Variants in RPP40 observed in about 807,000 individuals in gnomAD.
RPP40 encodes the protein ribonuclease P protein subunit p40.
In RPP40, 30 loss-of-function variants were observed where a neutral mutation model predicts 42.5. That is an observed-to-expected ratio of 0.71 (90% confidence interval 0.53 to 0.96). The LOEUF is 0.96. Among genes scored for constraint, RPP40 ranks in the 40% least tolerant of loss-of-function variants. The pLI, the probability that RPP40 is intolerant of heterozygous loss-of-function variation, is 0.00. For missense variants in RPP40, 426 were observed against 433.5 expected, an observed-to-expected ratio of 0.98 and a Z score of 0.15; for synonymous variants, 173 against 164.0, an observed-to-expected ratio of 1.05 and a Z score of -0.42.
chr6:5,002,106 T>A lies in RPP40; in HGVS notation c.263A>T (p.Lys88Met). 1 of 1,611,186 alleles carries A rather than the reference T, an allele frequency of 6.2e-7. No individual in the cohort carries two copies. Among genetic ancestry groups the A allele is most frequent in the Non-Finnish European group, 8.5e-7 (1 of 1,178,860 alleles). The part of the protein sequence containing the change: ...ITPEFISTFI[K>M]KGSCYALTYN... ...CCATTTCAGGTTTTTCTTACCTTTC[T>A]TTATAAAGGTACTGATGAATTCAGG... The change falls in exon 2 of 8, where the codon AAG (lysine) becomes ATG (methionine). Residue 88 changes from lysine to methionine, a missense_variant. By Grantham distance (95) the Lys-to-Met change is moderately conservative. Coordinates refer to ENST00000380051, the MANE Select transcript of RPP40 (RefSeq NM_006638.4).
chr6:5,003,911 T>G lies in RPP40; in HGVS notation c.92A>C (p.His31Pro). The G allele has an allele frequency of 6.2e-7, 1 of 1,613,784 alleles. No individual in the cohort carries two copies. Reference sequence around the variant, plus strand: ...GTTATAGTAGTGCGTCTGCACAAGATGCCGGTGGCGCGACTTGTGGTTGCC... The same window carrying G: ...GTTATAGTAGTGCGTCTGCACAAGAGGCCGGTGGCGCGACTTGTGGTTGCC... ...NFGNHKSRHR[H>P]LVQTHYYNYR... Residue 31 changes from histidine (H) to proline (P), a missense_variant, in exon 1 of 8, where the codon CAT (histidine) becomes CCT (proline). Transcript: ENST00000380051.
chr6:4,999,361 C>T (rs548975425), intron 4 of RPP40, among the ~76,000 whole-genome samples: 10 of 130,352 alleles, frequency 7.7e-5, no homozygotes, highest in Admixed American at 1.9e-4. Flanking sequence ...TGCAGTGGTG[C>T]GATCTTGGCT....
chr6:5,003,807 A>G, intron 1 of RPP40, 73 bp downstream of exon 1: 6 of 1,507,650 alleles, frequency 4.0e-6, no homozygotes, highest in Middle Eastern at 1.8e-4. Flanking sequence ...CGCGAAGCCT[A>G]GCACTCTCCC....
downstream of RPP40, among the ~76,000 whole-genome samples, chr6:4,989,787 G>A (rs574585157): frequency 6.6e-6 from 1 of 152,262 alleles, no homozygotes; most frequent in South Asian, 2.1e-4. Context: ...ACACTACTCT[G>A]TATCCTGCAA....
At chr6:4,992,614 CAG>C (rs921310211), downstream of RPP40, among the ~76,000 whole-genome samples, 2 of 152,058 alleles carry the variant, frequency 1.3e-5, no homozygotes, top group African/African-American at 4.8e-5. Context: ...TTCTTGTAGG[CAG>C]AATATAATTA....
chr6:4,991,972 ATTGAG>A (rs1308278447), downstream of RPP40, among the ~76,000 whole-genome samples: 2 of 152,126 alleles, frequency 1.3e-5, no homozygotes, highest in Non-Finnish European at 2.9e-5. Flanking sequence ...TTCCGCCATG[ATTGAG>A]TTTTCCTGAG....
At position 4,999,821 on chromosome 6, in the gene RPP40, T is replaced by A. The variant is rs781596695; in HGVS notation, c.421A>T (p.Ile141Phe). ...GHPSQFSGRK[I>F]MKFIVSIDLM... ...ACATGATACTTACTAAATTTCATAA[T>A]TTTTCTGCCAGAAAACTGAGATGGA... The change falls in exon 4 of 8, where the codon ATT becomes TTT. Residue 141 changes from isoleucine (I) to phenylalanine (F), a missense_variant. Ile to Phe is a conservative substitution (Grantham distance 21). Coordinates refer to ENST00000380051, the MANE Select transcript of RPP40 (RefSeq NM_006638.4). 1.9e-6 allele frequency: 3 copies of A among 1,588,680 alleles called. No individual in the cohort carries two copies. The highest frequency in any genetic ancestry group is 2.6e-6 in the Non-Finnish European group (3 of 1,157,602).
chr6:4,989,815 ATTTG>A, downstream of RPP40, among the ~76,000 whole-genome samples: 1 of 152,164 alleles, frequency 6.6e-6, no homozygotes, highest in Non-Finnish European at 1.5e-5. Context: ...AAACTCACTT[ATTTG>A]TTCTAGTAGC....
rs776785567 is a variant in RPP40 at position 4,998,784 on chromosome 6, C to A, written c.491G>T (p.Arg164Ile). 6 of 1,522,542 alleles carry A rather than the reference C, an allele frequency of 3.9e-6. No individual in the cohort carries two copies. The highest frequency in any genetic ancestry group is 5.4e-6 in the Non-Finnish European group (6 of 1,116,642). 94.3% of individuals were successfully genotyped at this position (1,522,542 alleles called of 1,614,324 possible). Residue 164 changes from arginine (R) to isoleucine (I), a missense_variant, in exon 5 of 8, where the codon AGA (arginine) becomes ATA (isoleucine). Coordinates refer to ENST00000380051, the MANE Select transcript of RPP40 (RefSeq NM_006638.4). ...CTTTTCTTTGAAAGACCAAGATATT[C>A]TTTCATACTTCTTAGAATCCAAGTT... ...SLNLDSKKYE[R>I]ISWSFKEKKP... is the part of the protein sequence containing the mutation.
At chr6:5,002,611 T>G (rs1289119867) in intron 1 of RPP40, among the ~76,000 whole-genome samples, 1 of 152,234 alleles carries the variant, frequency 6.6e-6, no homozygotes, top group Non-Finnish European at 1.5e-5. Flanking sequence ...ATCCCTTGAT[T>G]TGTTTACCCT....
chr6:5,001,060 T>C (rs1346255938), intron 2 of RPP40: 1 of 458,016 alleles, frequency 2.2e-6, no homozygotes, highest in Non-Finnish European at 4.4e-6. Context: ...TTTACTATCA[T>C]CAAGCAAAAA....
intron 1 of RPP40, 48 bp downstream of exon 1, chr6:5,003,832 A>T: frequency 6.3e-7 from 1 of 1,576,396 alleles, no homozygotes; most frequent in Non-Finnish European, 8.7e-7. Flanking sequence ...CCTCTCTCGC[A>T]CGCGGGGACT....
intron 7 of RPP40, among the ~76,000 whole-genome samples, 179 bp from the exon 8 acceptor site, chr6:4,995,455 A>G (rs1284016806): frequency 6.6e-6 from 1 of 152,248 alleles, no homozygotes; most frequent in Non-Finnish European, 1.5e-5. Flanking sequence ...TGTGAACTCC[A>G]TAAGGATTAA....
chr6:5,002,725 T>C (rs888578150), intron 1 of RPP40, among the ~76,000 whole-genome samples: 1 of 152,264 alleles, frequency 6.6e-6, no homozygotes, highest in African/African-American at 2.4e-5. Flanking sequence ...TGCTCCTGTA[T>C]GTTTTCATTT....
Position 4,994,827 on chromosome 6 carries a change from C to A in RPP40, c.*251G>T. 2.3e-6 allele frequency: 1 copy of A among 444,168 alleles called. No individual in the cohort carries two copies. The allele number at this position is 444,168 out of a possible 1,614,324, so 27.5% of individuals were successfully genotyped here. A position where few individuals can be genotyped will look rare whatever the true frequency, so the allele number is the denominator to read the frequency against. ...TCCCCGGTCCCTGGACATCCTGGCCCAGTGTACCACATAGTAACCCACAAC... is the reference window on the plus strand; with the variant it reads ...TCCCCGGTCCCTGGACATCCTGGCCAAGTGTACCACATAGTAACCCACAAC... On this transcript the variant is annotated 3_prime_UTR_variant, in exon 8 of 8. Coordinates refer to ENST00000380051, the MANE Select transcript of RPP40 (RefSeq NM_006638.4).
chr6:5,000,556 G>T lies in RPP40; in HGVS notation c.337+7C>A. The T allele has an allele frequency of 1.1e-5, 14 of 1,268,248 alleles. No homozygotes were observed. Among genetic ancestry groups the T allele is most frequent in the African/African-American group, 1.5e-5 (1 of 65,078 alleles). The allele number at this position is 1,268,248 out of a possible 1,614,324, so 78.6% of individuals were successfully genotyped here. A position where few individuals can be genotyped will look rare whatever the true frequency, so the allele number is the denominator to read the frequency against. ...AATTAAAGAAAGATGAAAAAATAAA[G>T]TGTTACCATTTGGTAGCAGGGCAAC... On this transcript the variant is annotated splice_region_variant and intron_variant, in intron 3 of 7. Coordinates refer to ENST00000380051, the MANE Select transcript of RPP40 (RefSeq NM_006638.4).
At chr6:5,003,732 G>T in intron 1 of RPP40, 148 bp downstream of exon 1, 1 of 1,021,874 alleles carries the variant, frequency 9.8e-7, no homozygotes, top group Non-Finnish European at 1.4e-6. Context: ...GCAGTTAAGA[G>T]ACTACAACTC....
chr6:5,002,188 T>C lies in RPP40; in HGVS notation c.181A>G (p.Met61Val). The change falls in exon 2 of 8, where the codon ATG becomes GTG. Residue 61 changes from methionine to valine, a missense_variant. Transcript: ENST00000380051. The part of the protein sequence containing the change: ...ILSEELKNLV[M>V]NTGPYYFVKN... Reference sequence around the variant, plus strand: ...ACAAAGTAATAGGGTCCAGTGTTCATGACCAGGTTTTTCAGTTCTTCCGAT... The same window carrying C: ...ACAAAGTAATAGGGTCCAGTGTTCACGACCAGGTTTTTCAGTTCTTCCGAT... 4 of 1,612,956 alleles carry C rather than the reference T, an allele frequency of 2.5e-6. No individual in the cohort carries two copies. The highest frequency in any genetic ancestry group is 1.3e-5 in the African/African-American group (1 of 75,042).
intron 5 of RPP40, among the ~76,000 whole-genome samples, chr6:4,997,362 C>A (rs959712507): frequency 6.6e-6 from 1 of 152,224 alleles, no homozygotes; most frequent in South Asian, 2.1e-4. Flanking sequence ...ACAGTGAATT[C>A]GCTGTCCCTT....
Sources: allele counts gnomAD v4.1 joint callset (sites outside exome capture counted in the v4.1 genomes callset), GRCh38; gene constraint gnomAD v4.1.1; transcripts MANE v1.5; gene names NCBI Gene and HGNC (gene_info 2026-07-23, HGNC 2026-07-21).